Variants in SNTG2 observed in about 807,000 individuals in gnomAD.
The protein encoded by SNTG2 is gamma-2-syntrophin.
A neutral mutation model predicts 70.9 loss-of-function variants in SNTG2; 74 were observed. That is an observed-to-expected ratio of 1.04 (90% CI 0.86 to 1.27). SNTG2 has a LOEUF of 1.27. Among genes scored for constraint, SNTG2 ranks in the 50% most tolerant of loss-of-function variants. SNTG2 has a pLI of 0.00. For missense variants in SNTG2, 717 were observed against 690.7 expected, an observed-to-expected ratio of 1.04 and a Z score of -0.43; for synonymous variants, 278 against 273.8, an observed-to-expected ratio of 1.02 and a Z score of -0.15.
At chr2:1,147,893 TA>T (rs1186415490) in intron 6 of SNTG2, among the ~76,000 whole-genome samples, 2 of 152,228 alleles carry the variant, frequency 1.3e-5, no homozygotes, top group African/African-American at 4.8e-5. Flanking sequence ...TAATTTTAAG[TA>T]TATGCAATTT....
At chr2:1,200,099 G>A (rs1673182577) in intron 8 of SNTG2, among the ~76,000 whole-genome samples, 3 of 151,644 alleles carry the variant, frequency 2.0e-5, no homozygotes, top group Non-Finnish European at 3.0e-5. Context: ...AGCAAAAAGG[G>A]CAGAATGACT....
At chr2:1,178,662 C>T (rs1406273978) in intron 8 of SNTG2, among the ~76,000 whole-genome samples, 1 of 152,124 alleles carries the variant, frequency 6.6e-6, no homozygotes, top group Admixed American at 6.5e-5. Context: ...CCCACTTGAT[C>T]ATGGTGGATA....
chr2:1,164,586 G>T (rs1441093835), intron 6 of SNTG2, among the ~76,000 whole-genome samples: 1 of 145,434 alleles, frequency 6.9e-6, no homozygotes, highest in African/African-American at 2.6e-5. Context: ...GGCCTAGGAG[G>T]ATGAAGTGAG....
intron 13 of SNTG2, among the ~76,000 whole-genome samples, chr2:1,259,697 G>A (rs1301657328): frequency 6.6e-6 from 1 of 152,236 alleles, no homozygotes; most frequent in Non-Finnish European, 1.5e-5. Flanking sequence ...GTTTGTGTGT[G>A]TTTTACGGGA....
chr2:1,244,101 G>C (rs1324636266), intron 11 of SNTG2, among the ~76,000 whole-genome samples: 1 of 151,984 alleles, frequency 6.6e-6, no homozygotes, highest in Non-Finnish European at 1.5e-5. Flanking sequence ...GCAGGCAAAA[G>C]AAAAACATCA....
intron 14 of SNTG2, among the ~76,000 whole-genome samples, chr2:1,295,436 A>G (rs1236621963): frequency 2.6e-5 from 4 of 152,362 alleles, no homozygotes; most frequent in African/African-American, 9.6e-5. Context: ...TAGTAACTTC[A>G]GTGTTTCTTA....
intron 4 of SNTG2, among the ~76,000 whole-genome samples, chr2:1,137,320 C>T (rs930974768): frequency 3.3e-5 from 5 of 151,484 alleles, no homozygotes; most frequent in South Asian, 2.1e-4. Flanking sequence ...ACACATCTCA[C>T]GTGGACACAT....
chr2:1,137,471 CACAA>C (rs1253589145), intron 4 of SNTG2, 147 bp from the exon 5 acceptor site: 94 of 779,532 alleles, frequency 1.2e-4, no homozygotes, highest in African/African-American at 1.2e-3. Flanking sequence ...CACCTGCACA[CACAA>C]ACACACATCT....
chr2:1,156,960 A>C (rs1386604297), intron 6 of SNTG2, among the ~76,000 whole-genome samples: 1 of 152,090 alleles, frequency 6.6e-6, no homozygotes, highest in Non-Finnish European at 1.5e-5. Flanking sequence ...GGGCATCTTA[A>C]ACTCCTTCCC....
At chr2:1,297,301 AC>A (rs1406969652) in intron 14 of SNTG2, among the ~76,000 whole-genome samples, 1 of 152,230 alleles carries the variant, frequency 6.6e-6, no homozygotes, top group East Asian at 1.9e-4. Context: ...CATGCAGTAC[AC>A]ATTCATGTAA....
intron 16 of SNTG2, among the ~76,000 whole-genome samples, chr2:1,324,575 T>C (rs1341970176): frequency 6.6e-6 from 1 of 152,168 alleles, no homozygotes; most frequent in Non-Finnish European, 1.5e-5. Flanking sequence ...CAGCCTAAGT[T>C]GTAAGCAAAT....
chr2:1,297,902 A>T (rs547631562), intron 14 of SNTG2, among the ~76,000 whole-genome samples: 39 of 152,298 alleles, frequency 2.6e-4, no homozygotes, highest in African/African-American at 9.4e-4. Context: ...GAGTAGTGAG[A>T]ACTCCCAACC....
chr2:1,238,762 C>A (rs115865560), intron 10 of SNTG2, among the ~76,000 whole-genome samples: 1,553 of 152,322 alleles, frequency 0.01, 29 homozygotes, highest in African/African-American at 0.036. Context: ...TGTAATTGCA[C>A]TTCGATCCCT....
chr2:1,224,582 C>T (rs1220173126), intron 9 of SNTG2, among the ~76,000 whole-genome samples: 2 of 152,218 alleles, frequency 1.3e-5, no homozygotes, highest in African/African-American at 2.4e-5. Context: ...TCTGATGCCG[C>T]GTGCCCAGCG....
intron 1 of SNTG2, among the ~76,000 whole-genome samples, chr2:1,000,829 G>A (rs1037794498): frequency 6.6e-6 from 1 of 151,672 alleles, no homozygotes; most frequent in African/African-American, 2.4e-5. Flanking sequence ...AAAGCTACAG[G>A]CAAATATCAT....
At chr2:1,255,163 C>T (rs919987419) in intron 12 of SNTG2, among the ~76,000 whole-genome samples, 7 of 152,162 alleles carry the variant, frequency 4.6e-5, no homozygotes, top group African/African-American at 1.7e-4. Context: ...TGGCGTGGAG[C>T]CAGTCATTTA....
chr2:1,099,923 A>G (rs1376625451), intron 4 of SNTG2, among the ~76,000 whole-genome samples: 2 of 152,216 alleles, frequency 1.3e-5, no homozygotes, highest in Non-Finnish European at 2.9e-5. Context: ...GAGCAAGCTT[A>G]CAAACCTGCC....
intron 9 of SNTG2, among the ~76,000 whole-genome samples, chr2:1,236,361 C>T (rs902677916): frequency 6.6e-6 from 1 of 152,238 alleles, no homozygotes; most frequent in African/African-American, 2.4e-5. Flanking sequence ...AGCGATGGAT[C>T]CTGAGGGACA....
chr2:1,093,497 T>G (rs1467509201), intron 2 of SNTG2, among the ~76,000 whole-genome samples: 1 of 152,180 alleles, frequency 6.6e-6, no homozygotes, highest in Non-Finnish European at 1.5e-5. Context: ...CCAGTAAGTT[T>G]TATAAATCTT....
Sources: gnomAD v4.1 joint callset for allele counts (sites outside exome capture counted in the v4.1 genomes callset) on GRCh38, gnomAD v4.1.1 for gene constraint, MANE v1.5 for transcripts, NCBI Gene and HGNC (gene_info 2026-07-23, HGNC 2026-07-21) for gene names.